ERBB4: variants seen among roughly 807,000 people sequenced by gnomAD.
The protein encoded by ERBB4 is receptor tyrosine-protein kinase erbB-4.
A neutral mutation model predicts 158.0 loss-of-function variants in ERBB4; 42 were observed. The ratio of observed to expected loss-of-function variants is 0.27; its 90% CI spans 0.21 to 0.34. The LOEUF is 0.34. Ranked by LOEUF, ERBB4 falls within the 10% of genes least tolerant of loss-of-function variation. ERBB4 has a pLI of 1.00. For synonymous variants in ERBB4, 583 were observed against 558.7 expected (o/e 1.04, Z -0.61); for missense variants, 1,333 against 1,624.1 (o/e 0.82, Z 3.08).
intron 3 of ERBB4, among the ~76,000 whole-genome samples, chr2:211,878,214 A>G (rs1357231626): frequency 6.6e-6 from 1 of 152,240 alleles, no homozygotes; most frequent in African/African-American, 2.4e-5. Context: ...CTTATAATTT[A>G]AAACAGTTCT....
intron 2 of ERBB4, among the ~76,000 whole-genome samples, chr2:212,076,549 C>T (rs935285307): frequency 2.6e-5 from 4 of 151,774 alleles, no homozygotes; most frequent in Non-Finnish European, 5.9e-5. Flanking sequence ...AGTAAACAAA[C>T]AACTAGAATA....
At chr2:212,074,296 A>T (rs1205913182) in intron 2 of ERBB4, among the ~76,000 whole-genome samples, 1 of 152,052 alleles carries the variant, frequency 6.6e-6, no homozygotes, top group Non-Finnish European at 1.5e-5. Context: ...TGTCAAAATA[A>T]GATGCTTAAG....
In ERBB4 at chr2:211,406,182, TATAACACTTTCTC is replaced by T. The variant is rs1354424820; in HGVS notation, c.3135+14246_3135+14258del. Among the ~76,000 whole-genome samples the T allele has an allele frequency of 7.2e-5, 11 of 152,340 alleles. No individual in the cohort carries two copies. In the South Asian group the frequency reaches 1.0e-3, roughly 14 times the overall value. ...CTTAACGTATTCTCTTTGTCCCTAT[TATAACACTTTCTC>T]ATTGCATTTTATTGGCTAGTTACTT... On this transcript the variant is annotated intron_variant, in intron 25 of 27. Coordinates refer to ENST00000342788, the MANE Select transcript of ERBB4 (RefSeq NM_005235.3).
intron 1 of ERBB4, among the ~76,000 whole-genome samples, chr2:212,148,203 T>C (rs1260271177): frequency 2.0e-5 from 3 of 152,118 alleles, no homozygotes; most frequent in Admixed American, 6.6e-5. Context: ...CCGATTTCTA[T>C]TGCAGCTAGA....
intron 1 of ERBB4, among the ~76,000 whole-genome samples, chr2:212,285,707 A>C (rs1343298952): frequency 6.6e-6 from 1 of 152,194 alleles, no homozygotes; most frequent in African/African-American, 2.4e-5. Context: ...TTTTAAGAGG[A>C]GGAAAAATTA....
At chr2:212,140,643 A>G (rs753231647) in intron 1 of ERBB4, among the ~76,000 whole-genome samples, 12 of 151,296 alleles carry the variant, frequency 7.9e-5, no homozygotes, top group Admixed American at 1.3e-4. Context: ...TTGTAATTTT[A>G]ATAGAACATT....
At chr2:211,995,620 A>G (rs1445461633) in intron 2 of ERBB4, among the ~76,000 whole-genome samples, 5 of 152,100 alleles carry the variant, frequency 3.3e-5, no homozygotes. Context: ...TTATGCAAAA[A>G]TACTGAATTC....
At chr2:211,673,709 T>C (rs1270636517) in intron 13 of ERBB4, among the ~76,000 whole-genome samples, 1 of 152,058 alleles carries the variant, frequency 6.6e-6, no homozygotes, top group Admixed American at 6.6e-5. Flanking sequence ...CCAATCCTTG[T>C]CCTTCAAATC....
chr2:211,993,699 GC>G (rs2125260626), intron 2 of ERBB4, among the ~76,000 whole-genome samples: 1 of 149,698 alleles, frequency 6.7e-6, no homozygotes, highest in East Asian at 2.0e-4. Flanking sequence ...TGACATTTTT[GC>G]CCCCGGTTAT....
intron 20 of ERBB4, among the ~76,000 whole-genome samples, chr2:211,461,879 ACTG>A (rs1213876889): frequency 6.6e-6 from 1 of 151,804 alleles, no homozygotes; most frequent in Non-Finnish European, 1.5e-5. Flanking sequence ...TAGTTCCTAC[ACTG>A]CTATTTAAAA....
chr2:212,155,660 A>T lies in ERBB4; in HGVS notation c.83-30757T>A, dbSNP rs187131283. Among the ~76,000 whole-genome samples the T allele has an allele frequency of 2.1e-3, 326 of 152,218 alleles. 1 individual carries two copies. The highest frequency in any genetic ancestry group is 3.6e-3 in the Non-Finnish European group (244 of 67,988). ...GGTCCGTGAGCTTGAGATGGGAAAAAAATACACCTTCATTTTCACTGAACT... is the reference window on the plus strand; with the variant it reads ...GGTCCGTGAGCTTGAGATGGGAAAATAATACACCTTCATTTTCACTGAACT... On this transcript the variant is annotated intron_variant, in intron 1 of 27. Transcript: ENST00000342788.
chr2:212,281,740 T>G (rs1039454929), intron 1 of ERBB4, among the ~76,000 whole-genome samples: 10 of 151,824 alleles, frequency 6.6e-5, no homozygotes, highest in Admixed American at 5.9e-4. Flanking sequence ...TAGTATATTA[T>G]TTTTCCATAA....
chr2:212,056,958 G>T (rs12474504), intron 2 of ERBB4, among the ~76,000 whole-genome samples: 101,479 of 152,072 alleles, frequency 0.67, 38,338 homozygotes, highest in East Asian at 0.92. Context: ...TGGGCTAAAT[G>T]CTCCAATTAA....
intron 5 of ERBB4, among the ~76,000 whole-genome samples, chr2:211,748,319 A>T (rs1031906415): frequency 5.3e-5 from 8 of 152,208 alleles, no homozygotes; most frequent in African/African-American, 1.9e-4. Context: ...ACACTGTATG[A>T]GACTTCTGGT....
chr2:212,432,241 T>G (rs2092046751), intron 1 of ERBB4, among the ~76,000 whole-genome samples: 2 of 152,158 alleles, frequency 1.3e-5, no homozygotes, highest in African/African-American at 4.8e-5. Context: ...TTAATAAAGA[T>G]AAACAGAATT....
chr2:211,655,143 C>T (rs901790918), intron 16 of ERBB4, among the ~76,000 whole-genome samples: 2 of 152,040 alleles, frequency 1.3e-5, no homozygotes. Context: ...AGCCAATGAC[C>T]TACCATAATT....
intron 5 of ERBB4, among the ~76,000 whole-genome samples, chr2:211,736,427 CA>C (rs2074603577): frequency 6.6e-6 from 1 of 152,066 alleles, no homozygotes; most frequent in Non-Finnish European, 1.5e-5. Flanking sequence ...TATTGTTGGG[CA>C]GGGTGTACTG....
chr2:211,898,796 C>A (rs1240535388), intron 3 of ERBB4, among the ~76,000 whole-genome samples: 1 of 152,038 alleles, frequency 6.6e-6, no homozygotes, highest in Non-Finnish European at 1.5e-5. Flanking sequence ...CTGTTGAAAC[C>A]TCCTGTAGTC....
At position 211,897,681 on chromosome 2, in the gene ERBB4, C is replaced by G. The variant is rs79924799; in HGVS notation, c.421+49749G>C. Among the ~76,000 whole-genome samples, 715 of 151,996 alleles carry G rather than the reference C, an allele frequency of 4.7e-3. 7 individuals carry two copies. The highest frequency in any genetic ancestry group is 0.013 in the African/African-American group (526 of 41,452). ...CCTTCTTAAAGATACCTTTTATCTACTTTTTTTGTTCTTTTTTTAAATGGG... is the reference window on the plus strand; with the variant it reads ...CCTTCTTAAAGATACCTTTTATCTAGTTTTTTTGTTCTTTTTTTAAATGGG... On this transcript the variant is annotated intron_variant, in intron 3 of 27. Coordinates refer to ENST00000342788, the MANE Select transcript of ERBB4 (RefSeq NM_005235.3).
Sources: allele counts gnomAD v4.1 joint callset (sites outside exome capture counted in the v4.1 genomes callset), GRCh38; gene constraint gnomAD v4.1.1; transcripts MANE v1.5; gene names NCBI Gene and HGNC (gene_info 2026-07-23, HGNC 2026-07-21).